KDM6A: variants seen among roughly 807,000 people sequenced by gnomAD.
The protein encoded by KDM6A is lysine demethylase 6A.
A neutral mutation model predicts 117.6 loss-of-function variants in KDM6A; 11 were observed. The observed-to-expected ratio is 0.09, with a 90% CI of 0.06 to 0.15. KDM6A has a LOEUF of 0.15. Among genes scored for constraint, KDM6A ranks in the 10% least tolerant of loss-of-function variants. The pLI is 1.00. For missense variants in KDM6A, 799 were observed against 1,077.3 expected, an observed-to-expected ratio of 0.74 and a Z score of 3.62; for synonymous variants, 384 against 396.1, an observed-to-expected ratio of 0.97 and a Z score of 0.36.
chrX:44,965,314 A>G (rs369328609), intron 3 of KDM6A, among the ~76,000 whole-genome samples: 11 of 111,803 alleles, frequency 9.8e-5, no homozygotes, highest in Non-Finnish European at 1.3e-4. Flanking sequence ...TAGCACTTCA[A>G]ATTTCCTCCA....
At chrX:45,064,723 TAAA>T (rs1569534337) in intron 17 of KDM6A, among the ~76,000 whole-genome samples, 1 of 112,196 alleles carries the variant, frequency 8.9e-6, no homozygotes, top group African/African-American at 3.2e-5. Flanking sequence ...ATATTTGACT[TAAA>T]AAGAGAAATA....
intron 5 of KDM6A, among the ~76,000 whole-genome samples, chrX:45,013,546 A>G (rs5952668): frequency 0.22 from 24,340 of 111,251 alleles, 4,367 homozygotes; most frequent in African/African-American, 0.61. Flanking sequence ...CCTTATCTAC[A>G]TATGATTTCT....
intron 2 of KDM6A, among the ~76,000 whole-genome samples, chrX:44,916,373 T>TC (rs1275688325): frequency 3.6e-5 from 4 of 111,295 alleles, no homozygotes; most frequent in Non-Finnish European, 5.6e-5. Flanking sequence ...AGGATAGATT[T>TC]CATAGTAATG....
At chrX:44,927,088 A>C (rs1049310692) in intron 2 of KDM6A, among the ~76,000 whole-genome samples, 3 of 111,427 alleles carry the variant, frequency 2.7e-5, no homozygotes, top group African/African-American at 9.8e-5. Context: ...TTTCACTTAC[A>C]GGGCTGCCTC....
At chrX:44,879,927 C>T (rs1410363077) in intron 2 of KDM6A, among the ~76,000 whole-genome samples, 1 of 111,008 alleles carries the variant, frequency 9.0e-6, no homozygotes, top group African/African-American at 3.3e-5. Flanking sequence ...AGTCCCAGCA[C>T]TTTGGGAGGC....
In KDM6A at chrX:45,106,946, A is replaced by T. The variant is rs2046550670; in HGVS notation, c.4035-464A>T. On this transcript the variant is annotated intron_variant, in intron 27 of 29. Transcript: ENST00000611820. ...TTGAGTTTCAAAAGCAGCTGTACAG[A>T]TGATGCTGTTAATGAGTGTTTAGGT... is the stretch of plus-strand genomic sequence containing the variant. 2.1e-5 allele frequency: 4 copies of T among 188,137 alleles called. No individual in the cohort carries two copies. The South Asian group carries it at 3.5e-4, about 17-fold the overall frequency. 15.5% of individuals were successfully genotyped at this position (188,137 alleles called of 1,213,427 possible). A position where few individuals can be genotyped will look rare whatever the true frequency, so the allele number is the denominator to read the frequency against.
chrX:45,071,852 C>G (rs1246158583), intron 18 of KDM6A, among the ~76,000 whole-genome samples: 2 of 110,906 alleles, frequency 1.8e-5, no homozygotes, highest in African/African-American at 6.6e-5. Context: ...TTACCGCACG[C>G]TCTGCCTCCC....
At chrX:45,015,235 T>C (rs942936629) in intron 5 of KDM6A, among the ~76,000 whole-genome samples, 3 of 110,107 alleles carry the variant, frequency 2.7e-5, no homozygotes, top group African/African-American at 9.9e-5. Flanking sequence ...CCCGAATAGC[T>C]TGGACTACAG....
At chrX:44,941,162 G>A (rs1349376897) in intron 2 of KDM6A, among the ~76,000 whole-genome samples, 1 of 112,203 alleles carries the variant, frequency 8.9e-6, no homozygotes, top group African/African-American at 3.2e-5. Context: ...AAACAAGGTG[G>A]TATGATTACT....
At chrX:45,087,356 A>T (rs2045687961) in intron 25 of KDM6A, among the ~76,000 whole-genome samples, 1 of 113,212 alleles carries the variant, frequency 8.8e-6, no homozygotes, top group Admixed American at 9.3e-5. Flanking sequence ...ATTTAGTAAG[A>T]AGTGCATCGT....
rs1569533885 is a variant in KDM6A at position 45,062,789 on chromosome X, TGA to T, written c.1683+43_1683+44del. 3 of 898,641 alleles carry T rather than the reference TGA, an allele frequency of 3.3e-6. No homozygotes were observed. In the Admixed American group the frequency reaches 6.7e-5, roughly 20 times the overall value. The allele number at this position is 898,641 out of a possible 1,213,427, so 74.1% of individuals were successfully genotyped here. A position where few individuals can be genotyped will look rare whatever the true frequency, so the allele number is the denominator to read the frequency against. On this transcript the variant is annotated intron_variant, in intron 16 of 29. Coordinates refer to ENST00000611820, the MANE Select transcript of KDM6A (RefSeq NM_001291415.2). ...TTTTCCCTGAAATTTGTTAGCATTT[TGA>T]GTATTTTTATTGACTCTAATGTCAT... is the stretch of plus-strand genomic sequence containing the variant.
Position 45,006,648 on chromosome X carries a change from C to T in KDM6A, c.385-4313C>T, listed in dbSNP as rs145189137. 7.0e-3 allele frequency among the ~76,000 whole-genome samples: 774 copies of T among 110,837 alleles called. 4 individuals carry two copies. The highest frequency in any genetic ancestry group is 0.016 in the African/African-American group (478 of 30,376). ...ACAGAGCAGGTAATGAGTCAGGGTG[C>T]AATCAGTAATCAGAATGAGTCAGGG... On this transcript the variant is annotated intron_variant, in intron 4 of 29. Transcript: ENST00000611820.
chrX:44,992,335 C>T (rs1466170447), intron 4 of KDM6A, among the ~76,000 whole-genome samples: 1 of 101,937 alleles, frequency 9.8e-6, no homozygotes, highest in Non-Finnish European at 2.0e-5. Context: ...AGCAATTCTC[C>T]TGCCTCAGCC....
At chrX:45,010,157 A>T (rs2147580760) in intron 4 of KDM6A, among the ~76,000 whole-genome samples, 1 of 110,530 alleles carries the variant, frequency 9.0e-6, no homozygotes, top group South Asian at 3.9e-4. Flanking sequence ...GGGTACTCAA[A>T]CATTTGCTGT....
At chrX:45,040,678 C>T (rs1453697839) in intron 8 of KDM6A, among the ~76,000 whole-genome samples, 2 of 71,492 alleles carry the variant, frequency 2.8e-5, no homozygotes, top group Non-Finnish European at 5.4e-5. Flanking sequence ...GGGGGCTGAC[C>T]CCCCCCACCT....
intron 4 of KDM6A, among the ~76,000 whole-genome samples, chrX:44,999,348 C>CGCTGCT: frequency 9.0e-6 from 1 of 111,639 alleles, no homozygotes; most frequent in Middle Eastern, 4.6e-3. Flanking sequence ...ACGTGGCCGC[C>CGCTGCT]GCTGCTGCTG....
chrX:44,909,604 A>G (rs760161371), intron 2 of KDM6A, among the ~76,000 whole-genome samples: 59 of 111,786 alleles, frequency 5.3e-4, no homozygotes, highest in African/African-American at 1.7e-3. Context: ...AAATACTAAT[A>G]CCGTAGAGTA....
At chrX:45,064,097 T>C (rs2044425628) in intron 17 of KDM6A, among the ~76,000 whole-genome samples, 1 of 112,406 alleles carries the variant, frequency 8.9e-6, no homozygotes. Flanking sequence ...TACAGTGGCA[T>C]CATAAGCACA....
intron 17 of KDM6A, among the ~76,000 whole-genome samples, chrX:45,064,488 G>A (rs2044444781): frequency 8.9e-6 from 1 of 112,256 alleles, no homozygotes; most frequent in Admixed American, 9.4e-5. Flanking sequence ...TTTTGTCAAG[G>A]AAATGGGTCA....
Sources: gnomAD v4.1 joint callset for allele counts (sites outside exome capture counted in the v4.1 genomes callset) on GRCh38, gnomAD v4.1.1 for gene constraint, MANE v1.5 for transcripts, NCBI Gene and HGNC (gene_info 2026-07-23, HGNC 2026-07-21) for gene names.